CADPS2: variants seen among roughly 807,000 people sequenced by gnomAD.
CADPS2 encodes calcium-dependent secretion activator 2.
In CADPS2, 93 loss-of-function variants were observed where a neutral mutation model predicts 172.5. That is an observed-to-expected ratio of 0.54 (90% confidence interval 0.46 to 0.64). The LOEUF (loss-of-function observed/expected upper bound fraction) is 0.64. CADPS2 is among the 30% of genes least tolerant of loss of function. CADPS2 has a pLI of 0.00. For missense variants in CADPS2, 1,420 were observed against 1,565.9 expected (o/e 0.91, Z 1.57); for synonymous variants, 546 against 555.2 (o/e 0.98, Z 0.23).
chr7:122,562,866 C>G (rs1412693349), intron 7 of CADPS2, among the ~76,000 whole-genome samples: 2 of 151,966 alleles, frequency 1.3e-5, no homozygotes, highest in Admixed American at 1.3e-4. Context: ...TTTGACTTTT[C>G]TTACAATAAA....
intron 1 of CADPS2, among the ~76,000 whole-genome samples, chr7:122,759,489 A>T (rs1202690950): frequency 1.4e-4 from 22 of 152,188 alleles, no homozygotes. Flanking sequence ...CTTTCATCAT[A>T]CAAGTCACAT....
intron 14 of CADPS2, among the ~76,000 whole-genome samples, chr7:122,460,294 A>G (rs1388811178): frequency 6.6e-6 from 1 of 151,950 alleles, no homozygotes; most frequent in Non-Finnish European, 1.5e-5. Flanking sequence ...GAACCTGATG[A>G]AAGCAAAGAA....
At chr7:122,668,345 A>G (rs1218565822) in intron 2 of CADPS2, among the ~76,000 whole-genome samples, 3 of 151,406 alleles carry the variant, frequency 2.0e-5, no homozygotes, top group African/African-American at 7.3e-5. Context: ...ATGTTGGGAG[A>G]GTCATGGAAA....
At chr7:122,847,020 A>C (rs989170834) in intron 1 of CADPS2, among the ~76,000 whole-genome samples, 1 of 152,196 alleles carries the variant, frequency 6.6e-6, no homozygotes, top group Non-Finnish European at 1.5e-5. Flanking sequence ...TACACATGTT[A>C]GAGTTTGAAA....
intron 8 of CADPS2, among the ~76,000 whole-genome samples, chr7:122,520,231 G>A (rs971596400): frequency 2.0e-5 from 3 of 151,948 alleles, no homozygotes; most frequent in Non-Finnish European, 4.4e-5. Flanking sequence ...TAGATTTATT[G>A]AGTAAAATGA....
chr7:122,393,714 T>C (rs2044698516), intron 20 of CADPS2, 132 bp from the exon 21 acceptor site: 1 of 836,628 alleles, frequency 1.2e-6, no homozygotes. Flanking sequence ...TGAGAGTAGA[T>C]CATACCCCCC....
At chr7:122,353,507 C>T (rs182331706) in intron 27 of CADPS2, among the ~76,000 whole-genome samples, 2 of 152,206 alleles carry the variant, frequency 1.3e-5, no homozygotes, top group South Asian at 2.1e-4. Flanking sequence ...TAATCTTTAT[C>T]GTATCCTCCA....
chr7:122,710,008 C>T (rs1346844254), intron 2 of CADPS2, among the ~76,000 whole-genome samples: 1 of 149,080 alleles, frequency 6.7e-6, no homozygotes, highest in African/African-American at 2.5e-5. Flanking sequence ...ATGTAACTAA[C>T]CTGCACATTG....
At chr7:122,701,128 G>A (rs1261021315) in intron 2 of CADPS2, among the ~76,000 whole-genome samples, 1 of 152,044 alleles carries the variant, frequency 6.6e-6, no homozygotes, top group Non-Finnish European at 1.5e-5. Context: ...CTATGGCAAT[G>A]TCACAATCCT....
intron 2 of CADPS2, among the ~76,000 whole-genome samples, chr7:122,712,145 A>G (rs1257731878): frequency 1.3e-5 from 2 of 152,108 alleles, no homozygotes; most frequent in Non-Finnish European, 2.9e-5. Context: ...AGTGTTGAAA[A>G]CAATGTTACT....
At chr7:122,401,735 G>A (rs566393740) in intron 20 of CADPS2, among the ~76,000 whole-genome samples, 1 of 152,258 alleles carries the variant, frequency 6.6e-6, no homozygotes, top group African/African-American at 2.4e-5. Context: ...AGTAGATTGG[G>A]GTAGATGAAG....
chr7:122,856,707 A>G (rs1203239476), intron 1 of CADPS2, among the ~76,000 whole-genome samples: 13 of 152,222 alleles, frequency 8.5e-5, no homozygotes, highest in Admixed American at 2.6e-4. Flanking sequence ...GTAAAACAAG[A>G]TATCTTTTGT....
chr7:122,546,219 T>A (rs2063600383), intron 8 of CADPS2, among the ~76,000 whole-genome samples: 1 of 152,180 alleles, frequency 6.6e-6, no homozygotes, highest in East Asian at 1.9e-4. Flanking sequence ...CATTGTATAA[T>A]CTTCCCCAGT....
At chr7:122,760,119 CATAG>C (rs1389826762) in intron 1 of CADPS2, among the ~76,000 whole-genome samples, 6 of 151,868 alleles carry the variant, frequency 4.0e-5, no homozygotes, top group African/African-American at 7.2e-5. Flanking sequence ...CATAGGCATA[CATAG>C]ATATAGACAC....
chr7:122,569,828 T>C (rs538185611), intron 7 of CADPS2, among the ~76,000 whole-genome samples: 3 of 144,556 alleles, frequency 2.1e-5, no homozygotes, highest in East Asian at 4.0e-4. Flanking sequence ...TGGCTAGCCA[T>C]ATGGAGAAAG....
intron 1 of CADPS2, among the ~76,000 whole-genome samples, chr7:122,856,637 G>C (rs1283450093): frequency 6.6e-6 from 1 of 151,954 alleles, no homozygotes; most frequent in African/African-American, 2.4e-5. Context: ...GCCAGCAATG[G>C]CTAAAAAAAT....
chr7:122,523,224 C>T lies in CADPS2; in HGVS notation c.1476-9909G>A, dbSNP rs75139000. 3.9e-3 allele frequency among the ~76,000 whole-genome samples: 601 copies of T among 152,170 alleles called. 5 individuals are homozygous for T. The highest frequency in any genetic ancestry group is 0.014 in the African/African-American group (576 of 41,520). ...AGAGTTCCCATTCTCCATATCTTCT[C>T]CAGCATTTTACAATTGATCATTATT... On this transcript the variant is annotated intron_variant, in intron 8 of 29. Transcript: ENST00000449022.
At chr7:122,587,715 C>A (rs1358528470) in intron 6 of CADPS2, among the ~76,000 whole-genome samples, 1 of 152,002 alleles carries the variant, frequency 6.6e-6, no homozygotes, top group Non-Finnish European at 1.5e-5. Flanking sequence ...ATCTTTGTAA[C>A]AGAATAATTT....
At chr7:122,663,168 G>T (rs1435982361) in intron 3 of CADPS2, 69 bp downstream of exon 3, 11 of 1,145,690 alleles carry the variant, frequency 9.6e-6, no homozygotes, top group Non-Finnish European at 1.2e-5. Context: ...CATCTTCATA[G>T]GCTTGTAAAT....
Sources: gnomAD v4.1 joint callset for allele counts (sites outside exome capture counted in the v4.1 genomes callset) on GRCh38, gnomAD v4.1.1 for gene constraint, MANE v1.5 for transcripts, NCBI Gene and HGNC (gene_info 2026-07-23, HGNC 2026-07-21) for gene names.